The following GRM8 variants were observed in gnomAD, a reference collection of about 807,000 sequenced individuals.
GRM8 encodes the protein glutamate metabotropic receptor 8, also known as metabotropic glutamate receptor 8.
A neutral mutation model predicts 87.2 loss-of-function variants in GRM8; 47 were observed. The observed-to-expected ratio is 0.54, with a 90% CI of 0.43 to 0.69. The LOEUF (loss-of-function observed/expected upper bound fraction) is 0.69. Ranked by LOEUF, GRM8 falls within the 30% of genes least tolerant of loss-of-function variation. The pLI is 0.00. For synonymous variants in GRM8, 396 were observed against 404.5 expected, an observed-to-expected ratio of 0.98 and a Z score of 0.25; for missense variants, 1,019 against 1,139.2, an observed-to-expected ratio of 0.89 and a Z score of 1.52.
At chr7:126,504,964 G>A (rs1810219358) in intron 9 of GRM8, among the ~76,000 whole-genome samples, 2 of 152,036 alleles carry the variant, frequency 1.3e-5, no homozygotes, top group Non-Finnish European at 1.5e-5. Context: ...AACTGGTAGT[G>A]GAGCCAAGTT....
At chr7:127,067,813 A>G (rs1251135215) in intron 3 of GRM8, among the ~76,000 whole-genome samples, 1 of 152,192 alleles carries the variant, frequency 6.6e-6, no homozygotes, top group Non-Finnish European at 1.5e-5. Flanking sequence ...CACTGTTACA[A>G]TAATCTTCAT....
chr7:126,708,233 T>C (rs1056992836), intron 7 of GRM8, among the ~76,000 whole-genome samples: 1 of 151,894 alleles, frequency 6.6e-6, no homozygotes, highest in Non-Finnish European at 1.5e-5. Flanking sequence ...GAAAGATAAA[T>C]GCTGTCAGAA....
At chr7:126,764,021 A>G (rs1034238229) in intron 7 of GRM8, among the ~76,000 whole-genome samples, 12 of 151,972 alleles carry the variant, frequency 7.9e-5, no homozygotes, top group African/African-American at 2.7e-4. Context: ...CCCATGTATT[A>G]ACAATGACTT....
At chr7:127,094,256 A>G (rs1824431308) in intron 3 of GRM8, among the ~76,000 whole-genome samples, 1 of 152,230 alleles carries the variant, frequency 6.6e-6, no homozygotes, top group South Asian at 2.1e-4. Context: ...TGGAAAGGAA[A>G]ATAAAAGAAT....
chr7:126,610,624 A>T (rs1432275617), intron 7 of GRM8, among the ~76,000 whole-genome samples: 3 of 152,200 alleles, frequency 2.0e-5, no homozygotes, highest in Non-Finnish European at 4.4e-5. Context: ...CTATCTGTAG[A>T]GTTGTTTACC....
chr7:126,489,231 G>GT (rs34919773), intron 9 of GRM8, among the ~76,000 whole-genome samples: 8 of 151,574 alleles, frequency 5.3e-5, no homozygotes, highest in African/African-American at 9.7e-5. Context: ...TTATGAGAAA[G>GT]TTTTTTTTTG....
rs1797073886 is a variant in GRM8 at position 126,595,408 on chromosome 7, ATTTT to A, written c.1494+13950_1494+13953del. ...ATTTTATTTTATTTTATTTTATTTT[ATTTT>A]ATTTTATTTTATTTTATTATTTTAT... is the stretch of plus-strand genomic sequence containing the variant. On this transcript the variant is annotated intron_variant, in intron 8 of 10. Transcript: ENST00000339582. 2.5e-5 allele frequency among the ~76,000 whole-genome samples: 3 copies of A among 118,656 alleles called. No individual in the cohort carries two copies. In the East Asian group the frequency reaches 8.4e-4, roughly 33 times the overall value. The allele number at this position is 118,656 out of a possible 152,430, so 77.8% of individuals were successfully genotyped here.
chr7:126,839,232 C>G (rs1796058816), intron 6 of GRM8, among the ~76,000 whole-genome samples: 1 of 152,138 alleles, frequency 6.6e-6, no homozygotes, highest in South Asian at 2.1e-4. Flanking sequence ...GTAAGATGTT[C>G]TAGGCTTCTG....
chr7:126,548,317 TAA>T (rs77033466), intron 8 of GRM8, among the ~76,000 whole-genome samples: 18 of 143,602 alleles, frequency 1.3e-4, no homozygotes, highest in South Asian at 2.2e-4. Context: ...AGTATAATAA[TAA>T]AAAAAAAAAG....
chr7:127,191,345 T>C (rs1011503045), intron 2 of GRM8, among the ~76,000 whole-genome samples: 2 of 152,222 alleles, frequency 1.3e-5, no homozygotes, highest in Admixed American at 6.5e-5. Flanking sequence ...ACCTACATTG[T>C]TTTTATCATA....
intron 2 of GRM8, among the ~76,000 whole-genome samples, chr7:127,231,243 T>TG (rs1481566124): frequency 1.3e-5 from 2 of 151,454 alleles, no homozygotes; most frequent in East Asian, 1.9e-4. Flanking sequence ...CTTCTCTTGA[T>TG]GGGGGAAAAA....
At chr7:126,618,491 C>T (rs936924072) in intron 7 of GRM8, among the ~76,000 whole-genome samples, 1 of 152,094 alleles carries the variant, frequency 6.6e-6, no homozygotes, top group East Asian at 1.9e-4. Flanking sequence ...TCTAAAACAC[C>T]AAAAGCAATG....
chr7:126,857,662 G>A (rs1327060121), intron 6 of GRM8, among the ~76,000 whole-genome samples: 2 of 152,120 alleles, frequency 1.3e-5, no homozygotes, highest in African/African-American at 4.8e-5. Flanking sequence ...TTCATCCTGT[G>A]GTTAAAATAG....
At chr7:127,235,723 CACCA>C (rs1474635028) in intron 2 of GRM8, among the ~76,000 whole-genome samples, 2 of 152,304 alleles carry the variant, frequency 1.3e-5, no homozygotes, top group East Asian at 3.9e-4. Flanking sequence ...CAGGGCTCTA[CACCA>C]ACCAATTTAA....
chr7:126,784,194 T>C (rs1292479226), intron 6 of GRM8, among the ~76,000 whole-genome samples: 1 of 152,162 alleles, frequency 6.6e-6, no homozygotes, highest in Non-Finnish European at 1.5e-5. Context: ...GAACAAACCC[T>C]GGTTTCACCT....
At chr7:126,990,821 A>G (rs945684680) in intron 3 of GRM8, among the ~76,000 whole-genome samples, 2 of 152,248 alleles carry the variant, frequency 1.3e-5, no homozygotes, top group African/African-American at 4.8e-5. Flanking sequence ...TCTCTCAAAC[A>G]TTAAAAGCAC....
chr7:126,505,072 A>G (rs1482145518), intron 9 of GRM8, among the ~76,000 whole-genome samples: 1 of 152,086 alleles, frequency 6.6e-6, no homozygotes, highest in Non-Finnish European at 1.5e-5. Context: ...AATAGTGAAC[A>G]GAAGAAGCAA....
chr7:126,943,760 C>A (rs1460507064), intron 3 of GRM8, among the ~76,000 whole-genome samples: 5 of 152,168 alleles, frequency 3.3e-5, no homozygotes, highest in Non-Finnish European at 5.9e-5. Flanking sequence ...AGAACAAGTG[C>A]TGCAAATGGG....
chr7:127,210,844 T>C (rs567481191), intron 2 of GRM8, among the ~76,000 whole-genome samples: 202 of 152,326 alleles, frequency 1.3e-3, no homozygotes, highest in African/African-American at 4.5e-3. Flanking sequence ...AAGATCAATT[T>C]AGTACCATAT....
Sources: gnomAD v4.1 joint callset for allele counts (sites outside exome capture counted in the v4.1 genomes callset) on GRCh38, gnomAD v4.1.1 for gene constraint, MANE v1.5 for transcripts, NCBI Gene and HGNC (gene_info 2026-07-23, HGNC 2026-07-21) for gene names.